STK32C: variants seen among roughly 807,000 people sequenced by gnomAD.
STK32C encodes the protein serine/threonine kinase 32C.
In STK32C, 31 loss-of-function variants were observed where a neutral mutation model predicts 56.5. That is an observed-to-expected ratio of 0.55 (90% CI 0.41 to 0.74). The LOEUF is 0.74. STK32C is among the 30% of genes least tolerant of loss of function. STK32C has a pLI of 0.00. For synonymous variants in STK32C, 309 were observed against 289.4 expected (o/e 1.07, Z -0.69); for missense variants, 544 against 676.9 (o/e 0.80, Z 2.18).
intron 1 of STK32C, among the ~76,000 whole-genome samples, chr10:132,253,682 G>A (rs1016813612): frequency 7.9e-5 from 12 of 151,988 alleles, no homozygotes; most frequent in African/African-American, 1.5e-4. Context: ...GGGAGCCTGC[G>A]GAGCTGAGGG....
At chr10:132,288,176 GGAA>G (rs1474299046) in intron 1 of STK32C, among the ~76,000 whole-genome samples, 1 of 151,968 alleles carries the variant, frequency 6.6e-6, no homozygotes, top group Non-Finnish European at 1.5e-5. Flanking sequence ...AGTGAGGGAG[GGAA>G]GAAGAGGGGA....
intron 8 of STK32C, among the ~76,000 whole-genome samples, chr10:132,223,452 G>A (rs908357031): frequency 1.3e-5 from 2 of 152,226 alleles, no homozygotes; most frequent in Non-Finnish European, 2.9e-5. Context: ...GGCACCTCCC[G>A]CCTTTCCAGG....
At chr10:132,275,778 T>C (rs1238127978) in intron 1 of STK32C, among the ~76,000 whole-genome samples, 1 of 152,112 alleles carries the variant, frequency 6.6e-6, no homozygotes, top group East Asian at 1.9e-4. Context: ...CCCCTTCCAT[T>C]AGAGAAACTA....
At chr10:132,277,300 C>T (rs774794404) in intron 1 of STK32C, among the ~76,000 whole-genome samples, 84 of 152,184 alleles carry the variant, frequency 5.5e-4, no homozygotes, top group Non-Finnish European at 9.0e-4. Flanking sequence ...ACCTGGACTT[C>T]CCAAGTTGCA....
chr10:132,239,746 C>A (rs2063434663), intron 2 of STK32C, among the ~76,000 whole-genome samples: 1 of 152,238 alleles, frequency 6.6e-6, no homozygotes, highest in Admixed American at 6.5e-5. Flanking sequence ...ACTGATGGCT[C>A]CCTTTCAGCC....
chr10:132,261,144 C>A (rs7905139), intron 1 of STK32C, among the ~76,000 whole-genome samples: 1 of 97,506 alleles, frequency 1.0e-5, no homozygotes, highest in Non-Finnish European at 2.1e-5. Context: ...GCTTCCCATG[C>A]GGAGGACTCG....
In STK32C at chr10:132,245,905, CA is replaced by C; in HGVS notation, c.312del (p.Phe104LeufsTer18). ...QILRAIGKGS[F>X]GKVCIVQKRD... ...CACCCCAGGCCCTGCCTTACCTTGC[CA>C]AAGCTGCCCTTCCCAATGGCCCGAA... On this transcript the variant is annotated frameshift_variant, in exon 2 of 12. Coordinates refer to ENST00000298630, the MANE Select transcript of STK32C (RefSeq NM_173575.4). LOFTEE classifies it high-confidence loss of function. 1 of 1,613,186 alleles carries C rather than the reference CA, an allele frequency of 6.2e-7. No individual in the cohort carries two copies. The highest frequency in any genetic ancestry group is 8.5e-7 in the Non-Finnish European group (1 of 1,180,002).
rs375234732 is a variant in STK32C, at chr10:132,253,532, A to G, written c.263-7577T>C. On this transcript the variant is annotated intron_variant, in intron 1 of 11. Transcript: ENST00000298630. ...TGAGGGAGCTGAGGGAGCCGGAGGG[A>G]GCTGGAGGGAGTCGAGGGAGCTGGA... Among the ~76,000 whole-genome samples, 143 of 83,634 alleles carry G rather than the reference A, an allele frequency of 1.7e-3. 1 individual carries two copies. In the South Asian group the frequency reaches 0.056, roughly 33 times the overall value. The allele number at this position is 83,634 out of a possible 152,430, so 54.9% of individuals were successfully genotyped here.
chr10:132,267,121 G>T (rs147635418), intron 1 of STK32C, among the ~76,000 whole-genome samples: 1 of 152,186 alleles, frequency 6.6e-6, no homozygotes, highest in African/African-American at 2.4e-5. Flanking sequence ...CCTGCTCCCC[G>T]CATGGTTTCT....
At chr10:132,259,791 T>C (rs759853059) in intron 1 of STK32C, among the ~76,000 whole-genome samples, 1 of 152,236 alleles carries the variant, frequency 6.6e-6, no homozygotes, top group Non-Finnish European at 1.5e-5. Flanking sequence ...CAGGAAACCA[T>C]GGCCGGCATT....
chr10:132,241,799 C>T (rs1316050360), intron 2 of STK32C, among the ~76,000 whole-genome samples: 2 of 152,194 alleles, frequency 1.3e-5, no homozygotes, highest in African/African-American at 4.8e-5. Flanking sequence ...GACCTCAAGC[C>T]CGCCAACTTA....
At chr10:132,296,831 G>A (rs1196795198) in intron 1 of STK32C, among the ~76,000 whole-genome samples, 1 of 152,226 alleles carries the variant, frequency 6.6e-6, no homozygotes, top group Non-Finnish European at 1.5e-5. Flanking sequence ...GCGACCCCGG[G>A]GCATGGTGGC....
At chr10:132,311,198 TG>T (rs2066213685), upstream of STK32C, among the ~76,000 whole-genome samples, 4 of 152,226 alleles carry the variant, frequency 2.6e-5, no homozygotes, top group South Asian at 8.3e-4. This position sits in a 1 kb window ranked among gnomAD's most constrained non-coding sequence, Gnocchi z 4.4. Flanking sequence ...GTCATCATTA[TG>T]AAATTAACAC....
At chr10:132,222,597 A>G (rs4880350) in intron 10 of STK32C, 44 bp downstream of exon 10, 437 of 1,601,732 alleles carry the variant, frequency 2.7e-4, no homozygotes, top group Non-Finnish European at 3.4e-4. Flanking sequence ...GAGGAGCCCC[A>G]AGCCCAGCCC....
chr10:132,271,845 C>G (rs2064836047), intron 1 of STK32C, among the ~76,000 whole-genome samples: 1 of 152,238 alleles, frequency 6.6e-6, no homozygotes, highest in Non-Finnish European at 1.5e-5. Flanking sequence ...CTCCTGGGCA[C>G]ACTGTGCTCA....
downstream of STK32C, among the ~76,000 whole-genome samples, chr10:132,320,736 C>A (rs2066391380): frequency 6.6e-6 from 1 of 152,104 alleles, no homozygotes; most frequent in South Asian, 2.1e-4. Context: ...CCTGGAGGAG[C>A]CTGGCTTGTG....
At chr10:132,249,612 G>C (rs574547808) in intron 1 of STK32C, among the ~76,000 whole-genome samples, 1 of 152,176 alleles carries the variant, frequency 6.6e-6, no homozygotes, top group South Asian at 2.1e-4. Flanking sequence ...GGGGCTGACC[G>C]GCATCGTGGC....
intron 1 of STK32C, among the ~76,000 whole-genome samples, chr10:132,253,460 GGAGGGAGCTGGAGGGAGTC>G (rs1204382955): frequency 7.6e-5 from 11 of 145,122 alleles, no homozygotes; most frequent in Admixed American, 1.4e-4. Flanking sequence ...CGAGGGAACT[GGAGGGAGCTGGAGGGAGTC>G]GAGGGAGCTG....
At chr10:132,220,086 T>C (rs529909606) in intron 10 of STK32C, among the ~76,000 whole-genome samples, 1 of 152,314 alleles carries the variant, frequency 6.6e-6, no homozygotes, top group South Asian at 2.1e-4. Context: ...ATTCTAATCC[T>C]GGGTACCTGT....
Sources: gnomAD v4.1 joint callset for allele counts (sites outside exome capture counted in the v4.1 genomes callset) on GRCh38, gnomAD v4.1.1 for gene constraint, Gnocchi (gnomAD v3.1) non-coding constraint, MANE v1.5 for transcripts, NCBI Gene and HGNC (gene_info 2026-07-23, HGNC 2026-07-21) for gene names.